CPEB4: variants seen among roughly 807,000 people sequenced by gnomAD.
The protein encoded by CPEB4 is cytoplasmic polyadenylation element binding protein 4.
Under a neutral mutation model 72.5 loss-of-function variants are expected in CPEB4, and 12 were observed. The observed-to-expected ratio is 0.17, with a 90% confidence interval of 0.11 to 0.27. The LOEUF is 0.27. CPEB4 is among the 10% of genes least tolerant of loss of function. The pLI, the probability that CPEB4 is intolerant of heterozygous loss-of-function variation, is 1.00. For synonymous variants in CPEB4, 302 were observed against 326.3 expected (o/e 0.93, Z 0.80); for missense variants, 614 against 908.5 (o/e 0.68, Z 4.17).
intron 2 of CPEB4, among the ~76,000 whole-genome samples, chr5:173,914,662 A>G (rs893317122): frequency 1.5e-4 from 23 of 152,278 alleles, no homozygotes; most frequent in African/African-American, 4.6e-4. Flanking sequence ...AGGGTGAGGC[A>G]GGAGAATTGC....
intron 4 of CPEB4, among the ~76,000 whole-genome samples, chr5:173,944,448 C>T (rs1291282918): frequency 6.9e-6 from 1 of 145,494 alleles, no homozygotes; most frequent in East Asian, 2.0e-4. Flanking sequence ...GTACTCCAGC[C>T]TGGGTAAAAG....
chr5:173,897,264 A>G (rs1561604783), intron 1 of CPEB4, among the ~76,000 whole-genome samples: 1 of 152,224 alleles, frequency 6.6e-6, no homozygotes, highest in African/African-American at 2.4e-5. Flanking sequence ...TTTTGGCCAC[A>G]GTTGTTTTAT....
chr5:173,931,819 C>A (rs1404197424), intron 2 of CPEB4, among the ~76,000 whole-genome samples: 3 of 152,192 alleles, frequency 2.0e-5, no homozygotes, highest in Non-Finnish European at 4.4e-5. Flanking sequence ...AGTACCTTCA[C>A]AAATTCTTTT....
At chr5:173,896,540 T>C (rs1002238098) in intron 1 of CPEB4, among the ~76,000 whole-genome samples, 4 of 152,184 alleles carry the variant, frequency 2.6e-5, no homozygotes, top group Non-Finnish European at 5.9e-5. Context: ...TGAACAATTA[T>C]TGAGAAAGGC....
chr5:173,888,661 ATAAC>A lies in CPEB4; in HGVS notation c.-1070_-1067del, dbSNP rs1755695040. 2.5e-6 allele frequency: 1 copy of A among 400,288 alleles called. No homozygotes were observed. The highest frequency in any genetic ancestry group is 4.4e-6 in the Non-Finnish European group (1 of 226,748). The allele number at this position is 400,288 out of a possible 1,614,324, so 24.8% of individuals were successfully genotyped here. On this transcript the variant is annotated 5_prime_UTR_variant, in exon 1 of 10. Transcript: ENST00000265085. The surrounding 1 kb of genome is among the most constrained non-coding windows in gnomAD (Gnocchi z 4.3). Reference sequence around the variant, plus strand: ...AGGGGGGAGGCCCTTCTCCTTTAAAATAACTACGGTAGTGGGTTTTTCCTTTTTT... The same window carrying A: ...AGGGGGGAGGCCCTTCTCCTTTAAAATACGGTAGTGGGTTTTTCCTTTTTT...
chr5:173,922,951 AC>A (rs1757123488), intron 2 of CPEB4, among the ~76,000 whole-genome samples: 1 of 152,256 alleles, frequency 6.6e-6, no homozygotes, highest in Non-Finnish European at 1.5e-5. Context: ...CCAAATAATT[AC>A]CAGACATCTT....
intron 1 of CPEB4, among the ~76,000 whole-genome samples, chr5:173,895,232 A>T (rs1561603930): frequency 1.3e-5 from 2 of 152,222 alleles, no homozygotes; most frequent in Non-Finnish European, 2.9e-5. Context: ...TCCAAAGCAG[A>T]TAATATATTG....
At position 173,960,082 on chromosome 5, in the gene CPEB4, G is replaced by A. The variant is rs1354862780; in HGVS notation, c.*3945G>A. The A allele has an allele frequency of 1.3e-5, 2 of 152,438 alleles. No homozygotes were observed. The highest frequency in any genetic ancestry group is 2.9e-5 in the Non-Finnish European group (2 of 67,946). 9.4% of individuals were successfully genotyped at this position (152,438 alleles called of 1,614,324 possible). On this transcript the variant is annotated 3_prime_UTR_variant, in exon 10 of 10. Coordinates refer to ENST00000265085, the MANE Select transcript of CPEB4 (RefSeq NM_030627.4). ...TATTTATTATAGCATTTTAAATAAGGGTAATTCATTTTTTATTAAAGTCAT... is the reference window on the plus strand; with the variant it reads ...TATTTATTATAGCATTTTAAATAAGAGTAATTCATTTTTTATTAAAGTCAT...
chr5:173,912,670 C>A (rs1210247177), intron 2 of CPEB4, among the ~76,000 whole-genome samples: 1 of 146,976 alleles, frequency 6.8e-6, no homozygotes, highest in African/African-American at 2.5e-5. Flanking sequence ...TGCGGTGGCT[C>A]ACGCTTATAA....
rs1014261192 is a variant in CPEB4 at position 173,958,708 on chromosome 5, C to A, written c.*2571C>A. The A allele has an allele frequency of 6.6e-6, 1 of 152,350 alleles. No homozygotes were observed. Among genetic ancestry groups the A allele is most frequent in the Non-Finnish European group, 1.5e-5 (1 of 67,944 alleles). 9.4% of individuals were successfully genotyped at this position (152,350 alleles called of 1,614,324 possible). A position where few individuals can be genotyped will look rare whatever the true frequency, so the allele number is the denominator to read the frequency against. ...TAGTTCCTAAAAAAAAAATTAAATG[C>A]ATAAGCATAAGGTAGAAATTAAAAT... On this transcript the variant is annotated 3_prime_UTR_variant, in exon 10 of 10. Coordinates refer to ENST00000265085, the MANE Select transcript of CPEB4 (RefSeq NM_030627.4).
At position 173,916,959 on chromosome 5, in the gene CPEB4, G is replaced by C. The variant is rs1425709845; in HGVS notation, c.1207+6355G>C. Among the ~76,000 whole-genome samples, 3 of 152,104 alleles carry C rather than the reference G, an allele frequency of 2.0e-5. 1 individual carries two copies. In the East Asian group the frequency reaches 5.8e-4, roughly 29 times the overall value. On this transcript the variant is annotated intron_variant, in intron 2 of 9. Transcript: ENST00000265085. ...AATAGGAAACCTTAACTTTTCTTTC[G>C]ATACACCATTTTACTAATATTCCTA...
intron 2 of CPEB4, among the ~76,000 whole-genome samples, chr5:173,912,775 AT>A: frequency 6.6e-6 from 1 of 150,844 alleles, no homozygotes. Flanking sequence ...CTCTACAAAC[AT>A]TTAAAAAAAA....
chr5:173,937,321 G>A (rs144594460), intron 3 of CPEB4, among the ~76,000 whole-genome samples: 151 of 152,194 alleles, frequency 9.9e-4, no homozygotes, highest in African/African-American at 3.6e-3. Flanking sequence ...GGGATTACAG[G>A]TGTGAGTCAC....
At chr5:173,913,135 C>T (rs1198934710) in intron 2 of CPEB4, among the ~76,000 whole-genome samples, 1 of 150,710 alleles carries the variant, frequency 6.6e-6, no homozygotes, top group Non-Finnish European at 1.5e-5. Context: ...TGTTATGTGA[C>T]ATTTTAAGAA....
intron 2 of CPEB4, among the ~76,000 whole-genome samples, chr5:173,911,483 C>T (rs1457669558): frequency 6.6e-6 from 1 of 151,926 alleles, no homozygotes; most frequent in Non-Finnish European, 1.5e-5. Context: ...AGGATGGTCT[C>T]GATCTCCTGA....
intron 5 of CPEB4, among the ~76,000 whole-genome samples, chr5:173,948,803 C>G (rs1758121967): frequency 6.6e-6 from 1 of 152,122 alleles, no homozygotes; most frequent in Non-Finnish European, 1.5e-5. Flanking sequence ...ATTGTACACT[C>G]ACATGGCAGA....
intron 1 of CPEB4, among the ~76,000 whole-genome samples, chr5:173,891,821 G>A (rs1755824115): frequency 6.6e-6 from 1 of 152,088 alleles, no homozygotes; most frequent in South Asian, 2.1e-4. Flanking sequence ...TTTATAAGGG[G>A]TAAGAATCTA....
chr5:173,903,915 T>C lies in CPEB4; in HGVS notation c.1126-6608T>C, dbSNP rs149074575. ...TTATTTTTATCAACTTTGATTTTCA[T>C]AGTGGTATCATAAGGTCTTTCTTTT... On this transcript the variant is annotated intron_variant, in intron 1 of 9. Coordinates refer to ENST00000265085, the MANE Select transcript of CPEB4 (RefSeq NM_030627.4). Among the ~76,000 whole-genome samples the C allele has an allele frequency of 1.2e-3, 178 of 152,362 alleles. 1 individual carries two copies. Among genetic ancestry groups the C allele is most frequent in the African/African-American group, 4.2e-3 (174 of 41,584 alleles).
intron 3 of CPEB4, among the ~76,000 whole-genome samples, chr5:173,935,114 G>T (rs1164463152): frequency 6.6e-6 from 1 of 152,184 alleles, no homozygotes; most frequent in Non-Finnish European, 1.5e-5. Flanking sequence ...CACGTAGTAA[G>T]TCAAAATAAG....
Sources: gnomAD v4.1 joint callset for allele counts (sites outside exome capture counted in the v4.1 genomes callset) on GRCh38, gnomAD v4.1.1 for gene constraint, Gnocchi (gnomAD v3.1) non-coding constraint, MANE v1.5 for transcripts, NCBI Gene and HGNC (gene_info 2026-07-23, HGNC 2026-07-21) for gene names.